UPF2: variants seen among roughly 807,000 people sequenced by gnomAD.
UPF2 encodes UPF2 regulator of nonsense mediated mRNA decay.
A neutral mutation model predicts 141.4 loss-of-function variants in UPF2; 17 were observed. The ratio of observed to expected loss-of-function variants is 0.12; its 90% confidence interval spans 0.08 to 0.18. UPF2 has a LOEUF of 0.18. Ranked by LOEUF, UPF2 falls within the 10% of genes least tolerant of loss-of-function variation. UPF2 has a pLI of 1.00. For missense variants in UPF2, 1,152 were observed against 1,515.9 expected, an observed-to-expected ratio of 0.76 and a Z score of 3.99; for synonymous variants, 540 against 498.0, an observed-to-expected ratio of 1.08 and a Z score of -1.12.
At chr10:11,968,986 G>T (rs1388994950) in intron 9 of UPF2, among the ~76,000 whole-genome samples, 1 of 151,952 alleles carries the variant, frequency 6.6e-6, no homozygotes, top group Non-Finnish European at 1.5e-5. Context: ...TCAGCCTCCC[G>T]AGTAGCTGCG....
intron 8 of UPF2, among the ~76,000 whole-genome samples, chr10:11,987,394 T>C (rs997246351): frequency 1.3e-5 from 2 of 152,198 alleles, no homozygotes; most frequent in Non-Finnish European, 2.9e-5. Context: ...TATAGCTATG[T>C]TATAATTACC....
intron 9 of UPF2, among the ~76,000 whole-genome samples, chr10:11,968,235 T>C (rs57052184): frequency 0.014 from 2,116 of 152,172 alleles, 48 homozygotes; most frequent in African/African-American, 0.048. Context: ...AAGAAAAAAT[T>C]GCTCTGTATA....
At chr10:12,000,123 G>T in intron 6 of UPF2, 114 bp from the exon 7 acceptor site, 1 of 782,870 alleles carries the variant, frequency 1.3e-6, no homozygotes, top group South Asian at 1.6e-5. Context: ...TTGTGCCCAG[G>T]AAAACATTAG....
rs1028949051 is a variant in UPF2, at chr10:11,940,007, T to A, written c.3378+2658A>T. The stretch of plus-strand genomic sequence containing the variant: ...GATATAATTAGGATTATACTAAGTT[T>A]AAGGGCTTGATTTATGGAAAAATAA... On this transcript the variant is annotated intron_variant, in intron 18 of 21. Transcript: ENST00000357604. The surrounding 1 kb of genome is among the most constrained non-coding windows in gnomAD (Gnocchi z 4.2). Among the ~76,000 whole-genome samples the A allele has an allele frequency of 6.6e-6, 1 of 152,196 alleles. No individual in the cohort carries two copies. The highest frequency in any genetic ancestry group is 1.5e-5 in the Non-Finnish European group (1 of 68,032).
intron 21 of UPF2, among the ~76,000 whole-genome samples, chr10:11,926,703 C>G (rs1832717273): frequency 1.4e-5 from 1 of 73,342 alleles, no homozygotes; most frequent in Admixed American, 1.4e-4. Flanking sequence ...TGACAGGAGT[C>G]AATAATGAAC....
At chr10:12,000,780 T>C (rs761997074) in intron 6 of UPF2, among the ~76,000 whole-genome samples, 1 of 152,098 alleles carries the variant, frequency 6.6e-6, no homozygotes, top group Admixed American at 6.6e-5. Flanking sequence ...CACTCCAGCC[T>C]GGGCAAGAGT....
intron 4 of UPF2, among the ~76,000 whole-genome samples, chr10:12,007,693 T>G (rs749059730): frequency 6.6e-6 from 1 of 151,620 alleles, no homozygotes; most frequent in Non-Finnish European, 1.5e-5. Context: ...TAGCCGGCCG[T>G]GGTGGCAGGC....
At chr10:12,036,655 G>A (rs1316282605) in intron 1 of UPF2, among the ~76,000 whole-genome samples, 1 of 152,170 alleles carries the variant, frequency 6.6e-6, no homozygotes, top group African/African-American at 2.4e-5. Flanking sequence ...TCTCTACTCA[G>A]AACTAGTTGT....
rs1384884846 is a variant in UPF2 at position 12,035,190 on chromosome 10, T to A, written c.234A>T (p.Glu78Asp). ...TTGATTCTTCCTCTGCCTTCACCTT[T>A]TCTTCGTCTTTTTTCTTGCGTTCCT... ...EDKERKKKDE[E>D]KVKAEEESKK... The change falls in exon 2 of 22, where the codon GAA becomes GAT. Residue 78 changes from glutamate (E) to aspartate (D), a missense_variant. Physicochemically the swap from Glu to Asp is conservative, Grantham distance 45. Transcript: ENST00000357604. 1 of 1,613,650 alleles carries A rather than the reference T, an allele frequency of 6.2e-7. No individual in the cohort carries two copies. The highest frequency in any genetic ancestry group is 8.5e-7 in the Non-Finnish European group (1 of 1,179,966).
intron 3 of UPF2, among the ~76,000 whole-genome samples, chr10:12,021,280 A>C (rs1834312824): frequency 6.6e-6 from 1 of 151,912 alleles, no homozygotes; most frequent in Non-Finnish European, 1.5e-5. Context: ...CTGTAATCTC[A>C]GCACTTTGGG....
At chr10:11,982,323 A>C (rs111536714) in intron 8 of UPF2, among the ~76,000 whole-genome samples, 5,782 of 152,262 alleles carry the variant, frequency 0.038, 159 homozygotes, top group Non-Finnish European at 0.059. Context: ...ACGCACTGGG[A>C]GTGAGGAGAC....
rs1397588254 is a variant in UPF2 at position 11,980,443 on chromosome 10, T to A, written c.1845-1278A>T. Reference sequence around the variant, plus strand: ...GAACAGACACAAATAATCATACGAGTCTTAATTATCGCTGAGTGGAGGCCG... The same window carrying A: ...GAACAGACACAAATAATCATACGAGACTTAATTATCGCTGAGTGGAGGCCG... On this transcript the variant is annotated intron_variant, in intron 8 of 21. Coordinates refer to ENST00000357604, the MANE Select transcript of UPF2 (RefSeq NM_015542.4). This position sits in a 1 kb window ranked among gnomAD's most constrained non-coding sequence, Gnocchi z 4.2. Among the ~76,000 whole-genome samples the A allele has an allele frequency of 6.6e-6, 1 of 151,866 alleles. No homozygotes were observed. Among genetic ancestry groups the A allele is most frequent in the African/African-American group, 2.4e-5 (1 of 41,316 alleles).
chr10:12,038,023 G>A (rs1834663197), intron 1 of UPF2, among the ~76,000 whole-genome samples: 1 of 151,962 alleles, frequency 6.6e-6, no homozygotes, highest in Admixed American at 6.6e-5. Flanking sequence ...ACACCTAATA[G>A]CTGTAGTTAA....
intron 15 of UPF2, among the ~76,000 whole-genome samples, chr10:11,951,789 A>C (rs1288840132): frequency 6.6e-6 from 1 of 152,220 alleles, no homozygotes; most frequent in East Asian, 1.9e-4. Flanking sequence ...TCTAAAAGTA[A>C]GAGAGGTAGA....
chr10:11,951,946 A>C (rs1248402808), intron 15 of UPF2, 120 bp downstream of exon 15: 1 of 1,057,670 alleles, frequency 9.5e-7, no homozygotes, highest in African/African-American at 1.6e-5. Flanking sequence ...ACTACGTAAC[A>C]CTCAACACCG....
rs143420632 is a variant in UPF2 at position 11,993,006 on chromosome 10, C to T, written c.1844+4666G>A. 4.3e-4 allele frequency among the ~76,000 whole-genome samples: 65 copies of T among 151,972 alleles called. No homozygotes were observed. The East Asian group carries it at 0.012, about 29-fold the overall frequency. On this transcript the variant is annotated intron_variant, in intron 8 of 21. Coordinates refer to ENST00000357604, the MANE Select transcript of UPF2 (RefSeq NM_015542.4). ...TCTACTAAAACTACAAAAAATTACC[C>T]GGGCGTGGTGGTACACGCGTGAAAT...
intron 2 of UPF2, among the ~76,000 whole-genome samples, chr10:12,030,349 C>A (rs1280059562): frequency 6.6e-6 from 1 of 151,968 alleles, no homozygotes; most frequent in South Asian, 2.1e-4. Flanking sequence ...GCTTGGCCAA[C>A]ATGGTGAAAC....
At chr10:11,938,740 G>GAAA (rs1010413528) in intron 18 of UPF2, among the ~76,000 whole-genome samples, 7 of 148,970 alleles carry the variant, frequency 4.7e-5, no homozygotes, top group Non-Finnish European at 7.4e-5. Flanking sequence ...TTCCTGGCCT[G>GAAA]TCATTTCTTC....
chr10:11,928,500 G>A (rs1832741071), intron 21 of UPF2, among the ~76,000 whole-genome samples: 1 of 151,940 alleles, frequency 6.6e-6, no homozygotes, highest in Admixed American at 6.6e-5. Flanking sequence ...ACGAGGTCAG[G>A]AGATCGAGAC....
Sources: gnomAD v4.1 joint callset for allele counts (sites outside exome capture counted in the v4.1 genomes callset) on GRCh38, gnomAD v4.1.1 for gene constraint, Gnocchi (gnomAD v3.1) non-coding constraint, MANE v1.5 for transcripts, NCBI Gene and HGNC (gene_info 2026-07-23, HGNC 2026-07-21) for gene names.